BMPER: variants seen among roughly 807,000 people sequenced by gnomAD.
BMPER encodes the protein BMP binding endothelial regulator, also known as BMP-binding endothelial regulator protein.
In BMPER, 45 loss-of-function variants were observed where a neutral mutation model predicts 87.3. The ratio of observed to expected loss-of-function variants is 0.52; its 90% confidence interval spans 0.41 to 0.66. BMPER has a LOEUF of 0.66. BMPER is among the 30% of genes least tolerant of loss of function. BMPER has a pLI of 0.00. For synonymous variants in BMPER, 326 were observed against 316.2 expected (o/e 1.03, Z -0.33); for missense variants, 784 against 867.5 (o/e 0.90, Z 1.21).
intron 3 of BMPER, among the ~76,000 whole-genome samples, chr7:33,941,178 ATAAT>A (rs1308144240): frequency 1.4e-5 from 2 of 140,034 alleles, no homozygotes; most frequent in Non-Finnish European, 3.0e-5. Flanking sequence ...ATATTTATAT[ATAAT>A]ATAATTTATA....
At chr7:34,050,642 G>T (rs192868034) in intron 7 of BMPER, among the ~76,000 whole-genome samples, 32 of 152,252 alleles carry the variant, frequency 2.1e-4, no homozygotes, top group Middle Eastern at 6.8e-3. Flanking sequence ...AGAAAGAGTG[G>T]TACGAATAGA....
chr7:34,102,319 G>A (rs927316417), intron 13 of BMPER, among the ~76,000 whole-genome samples: 1 of 152,114 alleles, frequency 6.6e-6, no homozygotes, highest in Admixed American at 6.5e-5. Context: ...TGGGGCTGTC[G>A]CCATTTCTAA....
rs12667262 is a variant in BMPER at position 33,966,750 on chromosome 7, G to A, written c.402+189G>A. Reference sequence around the variant, plus strand: ...ACGAGACAGGTGCAGCATAGATATTGTGTAGAACTTGCTTCCAGAAACACA... The same window carrying A: ...ACGAGACAGGTGCAGCATAGATATTATGTAGAACTTGCTTCCAGAAACACA... On this transcript the variant is annotated intron_variant, in intron 4 of 14. Coordinates refer to ENST00000649409, the MANE Select transcript of BMPER (RefSeq NM_001365308.1). Among the ~76,000 whole-genome samples the A allele has an allele frequency of 0.14, 20,751 of 152,184 alleles. 1,875 individuals are homozygous for A. The highest frequency in any genetic ancestry group is 0.24 in the East Asian group (1,256 of 5,162).
At chr7:34,036,106 C>T (rs938060493) in intron 6 of BMPER, among the ~76,000 whole-genome samples, 9 of 152,064 alleles carry the variant, frequency 5.9e-5, no homozygotes, top group Non-Finnish European at 1.0e-4. Flanking sequence ...GCTCATAACT[C>T]ATAGGAGGTG....
At chr7:33,998,967 C>G (rs906141158) in intron 6 of BMPER, among the ~76,000 whole-genome samples, 2 of 152,230 alleles carry the variant, frequency 1.3e-5, no homozygotes, top group African/African-American at 4.8e-5. Context: ...TCATGACTTG[C>G]AGTATGGAGA....
upstream of BMPER, chr7:33,905,359 G>GAA (rs34276608): frequency 0.37 from 87,848 of 238,930 alleles, 11,416 homozygotes; most frequent in African/African-American, 0.44. Context: ...ACTCCCTCAG[G>GAA]AAAAAAAAAA....
At chr7:34,036,768 A>C (rs1398919888) in intron 6 of BMPER, among the ~76,000 whole-genome samples, 1 of 152,206 alleles carries the variant, frequency 6.6e-6, no homozygotes, top group African/African-American at 2.4e-5. Flanking sequence ...ACCCAGAACC[A>C]GTTGGAATTT....
At chr7:34,043,567 C>T (rs145639673) in intron 6 of BMPER, among the ~76,000 whole-genome samples, 42 of 152,190 alleles carry the variant, frequency 2.8e-4, no homozygotes, top group African/African-American at 9.9e-4. Context: ...GCTTTTAGCT[C>T]GAGTGGGTTG....
At chr7:34,022,442 CTT>C (rs1787218507) in intron 6 of BMPER, among the ~76,000 whole-genome samples, 3 of 151,900 alleles carry the variant, frequency 2.0e-5, no homozygotes, top group Non-Finnish European at 2.9e-5. Context: ...GAAATGGAGA[CTT>C]TAAAATATTC....
chr7:34,112,064 G>A (rs981569075), intron 13 of BMPER, among the ~76,000 whole-genome samples: 25 of 151,986 alleles, frequency 1.6e-4, no homozygotes, highest in East Asian at 1.2e-3. Context: ...AGAAACTTTC[G>A]TATAAGTTTT....
At chr7:34,079,341 C>G (rs1363039765) in intron 12 of BMPER, among the ~76,000 whole-genome samples, 155 bp downstream of exon 12, 1 of 152,172 alleles carries the variant, frequency 6.6e-6, no homozygotes, top group Non-Finnish European at 1.5e-5. Context: ...GCCTCATCCC[C>G]ACTCACAGGG....
intron 6 of BMPER, among the ~76,000 whole-genome samples, chr7:33,999,238 C>A (rs538849694): frequency 1.3e-5 from 2 of 152,150 alleles, no homozygotes; most frequent in African/African-American, 4.8e-5. Flanking sequence ...CTGAGGACAC[C>A]GTGAGCTTTG....
At chr7:34,025,921 T>C (rs1787345726) in intron 6 of BMPER, among the ~76,000 whole-genome samples, 1 of 151,984 alleles carries the variant, frequency 6.6e-6, no homozygotes, top group Non-Finnish European at 1.5e-5. Flanking sequence ...CAGCTTCAGC[T>C]CCAGGGAGTG....
At chr7:34,036,454 G>A (rs1363883943) in intron 6 of BMPER, among the ~76,000 whole-genome samples, 2 of 152,098 alleles carry the variant, frequency 1.3e-5, no homozygotes, top group Non-Finnish European at 2.9e-5. Context: ...CAGAGGCATG[G>A]CAGGAGCTGG....
chr7:34,028,601 G>GTT, intron 6 of BMPER, among the ~76,000 whole-genome samples: 2,097 of 36,054 alleles, frequency 0.058, 63 homozygotes, highest in East Asian at 0.076. Context: ...CATTTTTTCT[G>GTT]TTTTTTTTTT....
chr7:33,922,674 G>A (rs551149337), intron 2 of BMPER, among the ~76,000 whole-genome samples: 20 of 152,274 alleles, frequency 1.3e-4, no homozygotes, highest in African/African-American at 4.8e-4. Context: ...TGTGCCACAT[G>A]GAACTAGGCA....
chr7:34,000,824 A>AT (rs145680829), intron 6 of BMPER, among the ~76,000 whole-genome samples: 11 of 151,936 alleles, frequency 7.2e-5, no homozygotes, highest in African/African-American at 2.2e-4. Context: ...CTAGTTGTGG[A>AT]TTTTTTTGTA....
chr7:34,116,728 G>A (rs949313853), intron 13 of BMPER, among the ~76,000 whole-genome samples: 6 of 152,166 alleles, frequency 3.9e-5, no homozygotes, highest in African/African-American at 1.2e-4. Context: ...TGTGGCTCAC[G>A]CCTGTAATCC....
At chr7:33,954,900 T>C (rs1414708403) in intron 3 of BMPER, among the ~76,000 whole-genome samples, 2 of 152,132 alleles carry the variant, frequency 1.3e-5, no homozygotes, top group Non-Finnish European at 2.9e-5. Context: ...CCTTTATCAA[T>C]TTTTTTATTT....
Sources: allele counts gnomAD v4.1 joint callset (sites outside exome capture counted in the v4.1 genomes callset), GRCh38; gene constraint gnomAD v4.1.1; transcripts MANE v1.5; gene names NCBI Gene and HGNC (gene_info 2026-07-23, HGNC 2026-07-21).